The following GREB1 variants were observed in gnomAD, a reference collection of about 807,000 sequenced individuals.
GREB1 encodes the protein protein GREB1.
A neutral mutation model predicts 200.7 loss-of-function variants in GREB1; 106 were observed. The observed-to-expected ratio is 0.53, with a 90% confidence interval of 0.45 to 0.62. GREB1 has a LOEUF of 0.62. Ranked by LOEUF, GREB1 falls within the 20% of genes least tolerant of loss-of-function variation. The pLI is 0.00. For missense variants in GREB1, 2,243 were observed against 2,556.8 expected (o/e 0.88, Z 2.65); for synonymous variants, 1,132 against 1,092.4 (o/e 1.04, Z -0.72).
chr2:11,575,717 C>T (rs1248413319), intron 4 of GREB1, among the ~76,000 whole-genome samples: 1 of 152,168 alleles, frequency 6.6e-6, no homozygotes, highest in Non-Finnish European at 1.5e-5. Flanking sequence ...GAATTTTGGA[C>T]TCTTAGGAGG....
chr2:11,541,498 T>C (rs1473811613), intron 1 of GREB1, among the ~76,000 whole-genome samples: 2 of 152,058 alleles, frequency 1.3e-5, no homozygotes, highest in Non-Finnish European at 2.9e-5. Context: ...CAGCTCTCTC[T>C]TCAGACCCCC....
At chr2:11,520,068 G>A (rs1328537429) in intron 1 of GREB1, among the ~76,000 whole-genome samples, 2 of 152,110 alleles carry the variant, frequency 1.3e-5, no homozygotes, top group African/African-American at 4.8e-5. Context: ...AGCCCAGGAG[G>A]TCGAGGCTGC....
intron 5 of GREB1, among the ~76,000 whole-genome samples, chr2:11,577,392 C>T (rs568613762): frequency 6.6e-6 from 1 of 152,284 alleles, no homozygotes; most frequent in African/African-American, 2.4e-5. Context: ...GAACAATGCC[C>T]CACCCAAGCC....
rs1685027999 is a variant in GREB1 at position 11,633,206 on chromosome 2, C to T, written c.4991+143C>T. 13 of 788,874 alleles carry T rather than the reference C, an allele frequency of 1.6e-5. No homozygotes were observed. The highest frequency in any genetic ancestry group is 2.3e-5 in the Non-Finnish European group (11 of 482,312). The allele number at this position is 788,874 out of a possible 1,614,324, so 48.9% of individuals were successfully genotyped here. A position where few individuals can be genotyped will look rare whatever the true frequency, so the allele number is the denominator to read the frequency against. Reference sequence around the variant, plus strand: ...AAGGGGTGGTTGTGGTTGTGGTTCCCAGAGTCCTGGGTGTGGTAAAAGTGA... The same window carrying T: ...AAGGGGTGGTTGTGGTTGTGGTTCCTAGAGTCCTGGGTGTGGTAAAAGTGA... On this transcript the variant is annotated intron_variant, in intron 28 of 32. Transcript: ENST00000381486. The surrounding 1 kb of genome is among the most constrained non-coding windows in gnomAD (Gnocchi z 4.1).
chr2:11,614,815 G>C (rs897332346), intron 19 of GREB1, among the ~76,000 whole-genome samples: 1 of 147,700 alleles, frequency 6.8e-6, no homozygotes, highest in Non-Finnish European at 1.5e-5. Context: ...CGCCCGCCTC[G>C]GCCTCCCAAA....
At chr2:11,626,633 T>C (rs543047458) in intron 24 of GREB1, among the ~76,000 whole-genome samples, 2 of 152,332 alleles carry the variant, frequency 1.3e-5, no homozygotes, top group South Asian at 4.1e-4. Flanking sequence ...TTCATCTGCA[T>C]TCAGAGCTGG....
At chr2:11,520,150 A>G (rs996425993) in intron 1 of GREB1, among the ~76,000 whole-genome samples, 1 of 152,184 alleles carries the variant, frequency 6.6e-6, no homozygotes, top group African/African-American at 2.4e-5. Context: ...GCCACCAAAA[A>G]GTTAAATGAT....
At chr2:11,570,573 G>C (rs921054785) in intron 4 of GREB1, among the ~76,000 whole-genome samples, 1 of 151,490 alleles carries the variant, frequency 6.6e-6, no homozygotes, top group Non-Finnish European at 1.5e-5. Context: ...TCCAGACAAG[G>C]GAGTTCTAAA....
At chr2:11,567,744 G>GTTC (rs1264034400) in intron 4 of GREB1, among the ~76,000 whole-genome samples, 2 of 152,204 alleles carry the variant, frequency 1.3e-5, no homozygotes, top group African/African-American at 2.4e-5. Context: ...ATGTAATTGA[G>GTTC]TTCTTACTGT....
In GREB1 at chr2:11,637,811, G is replaced by A. The variant is rs1447127063; in HGVS notation, c.5442G>A (p.Leu1814=). 1.9e-6 allele frequency: 3 copies of A among 1,614,186 alleles called. No homozygotes were observed. The highest frequency in any genetic ancestry group is 2.2e-5 in the South Asian group (2 of 91,086). The change falls in exon 31 of 33, where the codon CTG becomes CTA. Residue 1814 remains leucine (L), a synonymous_variant. Coordinates refer to ENST00000381486, the MANE Select transcript of GREB1 (RefSeq NM_014668.4). ...TCGCAGCGCCCGCCCAGCTCCTGCT[G>A]GAGAAGTTCCTGCAGCACCACAGCC... is the stretch of plus-strand genomic sequence containing the variant. ...TFLAAPAQLL[L]EKFLQHHSHL...
chr2:11,636,178 T>A (rs1296268071), intron 30 of GREB1, among the ~76,000 whole-genome samples: 2 of 152,246 alleles, frequency 1.3e-5, no homozygotes, highest in Non-Finnish European at 2.9e-5. Flanking sequence ...CTCCTCATTG[T>A]TCTTGCAAAG....
At chr2:11,566,450 C>T in intron 3 of GREB1, 30 bp from the exon 4 acceptor site, 1 of 1,567,140 alleles carries the variant, frequency 6.4e-7, no homozygotes, top group Non-Finnish European at 8.7e-7. Flanking sequence ...AAGCCCTGGG[C>T]AGCGTGTGAA....
rs778741413 is a variant in GREB1 at position 11,610,945 on chromosome 2, C to T, written c.2924C>T (p.Ala975Val). ...CTGGCCCACGTGCGGGCCCGGCTGG[C>T]GCTGGAGGAGCACTTTGAGATCATC... ...ERLAHVRARL[A>V]LEEHFEIILG... Residue 975 changes from alanine to valine, a missense_variant, in exon 18 of 33, where the codon GCG (alanine) becomes GTG (valine). By Grantham distance (64) the Ala-to-Val change is moderately conservative. Transcript: ENST00000381486. 4 of 1,610,178 alleles carry T rather than the reference C, an allele frequency of 2.5e-6. No homozygotes were observed. Among genetic ancestry groups the T allele is most frequent in the South Asian group, 2.2e-5 (2 of 90,678 alleles).
intron 1 of GREB1, among the ~76,000 whole-genome samples, chr2:11,506,836 A>G (rs1673193955): frequency 6.6e-6 from 1 of 152,144 alleles, no homozygotes; most frequent in Admixed American, 6.5e-5. Context: ...CTGCACACAC[A>G]CTGCAGTGTG....
chr2:11,568,185 T>C (rs1226459681), intron 4 of GREB1, among the ~76,000 whole-genome samples: 1 of 152,234 alleles, frequency 6.6e-6, no homozygotes, highest in African/African-American at 2.4e-5. Flanking sequence ...AAGCCTCCAG[T>C]TTTGCGCTTG....
At chr2:11,565,354 C>A (rs1274769799) in intron 3 of GREB1, among the ~76,000 whole-genome samples, 1 of 152,204 alleles carries the variant, frequency 6.6e-6, no homozygotes, top group Non-Finnish European at 1.5e-5. Flanking sequence ...CTGCCCCCGC[C>A]CAGGGGCACA....
intron 24 of GREB1, among the ~76,000 whole-genome samples, chr2:11,625,675 T>TCCCTCCCTCAGGGATC (rs1684386574): frequency 6.6e-6 from 1 of 152,192 alleles, no homozygotes; most frequent in Admixed American, 6.6e-5. Flanking sequence ...TCTTGATTTT[T>TCCCTCCCTCAGGGATC]CCCTCCCTCA....
intron 5 of GREB1, among the ~76,000 whole-genome samples, chr2:11,577,554 G>T (rs370028783): frequency 4.8e-4 from 73 of 152,310 alleles, no homozygotes; most frequent in African/African-American, 1.7e-3. Context: ...AGTCAGCAAC[G>T]CAGGGTGAGG....
At chr2:11,595,104 G>C in intron 11 of GREB1, 147 bp from the exon 12 acceptor site, 1 of 604,042 alleles carries the variant, frequency 1.7e-6, no homozygotes, top group Non-Finnish European at 2.9e-6. Flanking sequence ...TCACCTGACA[G>C]CAGGCCTGGG....
Sources: gnomAD v4.1 joint callset for allele counts (sites outside exome capture counted in the v4.1 genomes callset) on GRCh38, gnomAD v4.1.1 for gene constraint, Gnocchi (gnomAD v3.1) non-coding constraint, MANE v1.5 for transcripts, NCBI Gene and HGNC (gene_info 2026-07-23, HGNC 2026-07-21) for gene names.